Variants in MAML3 observed in about 807,000 individuals in gnomAD.
The protein encoded by MAML3 is mastermind like transcriptional coactivator 3, also known as mastermind-like protein 3.
A neutral mutation model predicts 101.9 loss-of-function variants in MAML3; 27 were observed. The ratio of observed to expected loss-of-function variants is 0.27; its 90% CI spans 0.20 to 0.37. The LOEUF (loss-of-function observed/expected upper bound fraction) is 0.37, where lower values mean the gene tolerates loss of function less well. MAML3 is among the 10% of genes least tolerant of loss of function. The probability of loss-of-function intolerance (pLI) is 1.00; values close to 1 mark genes in which losing one functional copy is unlikely to be tolerated. For synonymous variants in MAML3, 501 were observed against 555.9 expected (o/e 0.90, Z 1.39); for missense variants, 1,316 against 1,444.9 (o/e 0.91, Z 1.45).
chr4:140,043,022 T>A (rs940539578), intron 1 of MAML3, among the ~76,000 whole-genome samples: 1 of 152,052 alleles, frequency 6.6e-6, no homozygotes, highest in African/African-American at 2.4e-5. Flanking sequence ...AATCTGATTT[T>A]TTTTAAAAAA....
At chr4:139,870,768 A>G (rs1731990841) in intron 2 of MAML3, among the ~76,000 whole-genome samples, 1 of 152,174 alleles carries the variant, frequency 6.6e-6, no homozygotes, top group Non-Finnish European at 1.5e-5. Flanking sequence ...CAGCCTCCTA[A>G]GTAGCTGGGA....
chr4:139,950,566 T>G (rs1042015864), intron 1 of MAML3, among the ~76,000 whole-genome samples: 1 of 152,212 alleles, frequency 6.6e-6, no homozygotes, highest in African/African-American at 2.4e-5. Flanking sequence ...GCCTCCATCC[T>G]GATTGCCCAT....
At position 140,053,391 on chromosome 4, in the gene MAML3, G is replaced by A. The variant is rs145225787; in HGVS notation, c.468+99469C>T. ...ACATCTGGCTTTCCCATTCCCATCCGAATTAGGTAATTCTGTTTGGGAGCA... is the reference window on the plus strand; with the variant it reads ...ACATCTGGCTTTCCCATTCCCATCCAAATTAGGTAATTCTGTTTGGGAGCA... On this transcript the variant is annotated intron_variant, in intron 1 of 4. Coordinates refer to ENST00000509479, the MANE Select transcript of MAML3 (RefSeq NM_018717.5). Among the ~76,000 whole-genome samples, 171 of 152,138 alleles carry A rather than the reference G, an allele frequency of 1.1e-3. 1 individual carries two copies. The highest frequency in any genetic ancestry group is 3.8e-3 in the African/African-American group (158 of 41,482).
chr4:139,759,846 A>T (rs1560785831), intron 2 of MAML3, among the ~76,000 whole-genome samples: 2 of 152,372 alleles, frequency 1.3e-5, no homozygotes, highest in African/African-American at 2.4e-5. Context: ...ACTTTCACAC[A>T]GGGGGTAAAG....
At chr4:139,907,415 G>C (rs551335432) in intron 1 of MAML3, among the ~76,000 whole-genome samples, 2 of 152,262 alleles carry the variant, frequency 1.3e-5, no homozygotes, top group South Asian at 4.1e-4. Flanking sequence ...GAACTTGGCA[G>C]GTAGTTACCA....
chr4:139,923,051 C>G (rs892536138), intron 1 of MAML3, among the ~76,000 whole-genome samples: 1 of 152,166 alleles, frequency 6.6e-6, no homozygotes, highest in Non-Finnish European at 1.5e-5. Flanking sequence ...CAGAGGGATA[C>G]GTAACACACT....
intron 1 of MAML3, among the ~76,000 whole-genome samples, chr4:140,098,245 AG>A (rs1219788708): frequency 2.0e-5 from 3 of 152,204 alleles, no homozygotes; most frequent in African/African-American, 7.2e-5. Context: ...AAAAGGGCAA[AG>A]GTTTTTTGAA....
intron 1 of MAML3, among the ~76,000 whole-genome samples, chr4:139,920,625 T>C (rs1733114319): frequency 6.6e-6 from 1 of 152,230 alleles, no homozygotes; most frequent in Non-Finnish European, 1.5e-5. Flanking sequence ...TTCACTAAAG[T>C]GGCCATCAAC....
chr4:139,791,528 C>A (rs771770867), intron 2 of MAML3, among the ~76,000 whole-genome samples: 36 of 149,346 alleles, frequency 2.4e-4, no homozygotes, highest in Admixed American at 4.7e-4. Flanking sequence ...AAAAGGCACC[C>A]ATTATCTAAA....
At chr4:140,013,336 T>C (rs1726593395) in intron 1 of MAML3, among the ~76,000 whole-genome samples, 1 of 152,196 alleles carries the variant, frequency 6.6e-6, no homozygotes, top group Non-Finnish European at 1.5e-5. Flanking sequence ...CTCTGGAATA[T>C]CTTCCTTACT....
intron 2 of MAML3, among the ~76,000 whole-genome samples, chr4:139,805,498 G>T (rs1730684902): frequency 1.3e-5 from 2 of 152,044 alleles, no homozygotes; most frequent in Non-Finnish European, 2.9e-5. Flanking sequence ...AATGATTTCA[G>T]AAACAGAAAT....
intron 1 of MAML3, among the ~76,000 whole-genome samples, chr4:139,952,597 A>G (rs1251522407): frequency 1.3e-5 from 2 of 152,184 alleles, no homozygotes; most frequent in African/African-American, 4.8e-5. Flanking sequence ...GGGAATAAAA[A>G]TTGCAGCAGA....
intron 1 of MAML3, among the ~76,000 whole-genome samples, chr4:139,979,409 C>T (rs1397351893): frequency 6.6e-6 from 1 of 152,196 alleles, no homozygotes; most frequent in African/African-American, 2.4e-5. Flanking sequence ...TGCCTCCCAG[C>T]TCCATTTGCC....
intron 1 of MAML3, among the ~76,000 whole-genome samples, chr4:139,993,177 C>T (rs192571055): frequency 6.6e-6 from 1 of 151,730 alleles, no homozygotes; most frequent in African/African-American, 2.4e-5. Flanking sequence ...CAGGATGAAA[C>T]CCCATCTCTA....
At chr4:139,911,933 A>C (rs1437791424) in intron 1 of MAML3, among the ~76,000 whole-genome samples, 1 of 152,220 alleles carries the variant, frequency 6.6e-6, no homozygotes, top group Non-Finnish European at 1.5e-5. Flanking sequence ...ACTAAAACAT[A>C]TGTACATACC....
intron 1 of MAML3, among the ~76,000 whole-genome samples, chr4:139,983,583 C>T (rs978651785): frequency 2.0e-5 from 3 of 152,090 alleles, no homozygotes; most frequent in Admixed American, 6.6e-5. Context: ...AAAAAATATC[C>T]GAAACCCAAA....
chr4:140,003,235 G>A (rs545429817), intron 1 of MAML3, among the ~76,000 whole-genome samples: 1 of 152,280 alleles, frequency 6.6e-6, no homozygotes, highest in Admixed American at 6.5e-5. Context: ...CCACTGGGTT[G>A]GGGTGCATTT....
chr4:140,105,095 T>C (rs1728328972), intron 1 of MAML3, among the ~76,000 whole-genome samples: 1 of 152,152 alleles, frequency 6.6e-6, no homozygotes, highest in South Asian at 2.1e-4. Context: ...ATCCTTATCC[T>C]GAAACTCCCT....
At chr4:139,882,368 G>T (rs1732236058) in intron 2 of MAML3, among the ~76,000 whole-genome samples, 1 of 150,966 alleles carries the variant, frequency 6.6e-6, no homozygotes, top group African/African-American at 2.4e-5. Flanking sequence ...GAATGAAAAA[G>T]AGCTGCAATA....
Sources: gnomAD v4.1 joint callset for allele counts (sites outside exome capture counted in the v4.1 genomes callset) on GRCh38, gnomAD v4.1.1 for gene constraint, MANE v1.5 for transcripts, NCBI Gene and HGNC (gene_info 2026-07-23, HGNC 2026-07-21) for gene names.